Variants in PLD1 observed in about 807,000 individuals in gnomAD.
The protein encoded by PLD1 is choline phosphatase 1.
Under a neutral mutation model 137.1 loss-of-function variants are expected in PLD1, and 112 were observed. The observed-to-expected ratio is 0.82, with a 90% CI of 0.70 to 0.96. PLD1 has a LOEUF of 0.96. PLD1 is among the 40% of genes least tolerant of loss of function. PLD1 has a pLI of 0.00. For synonymous variants in PLD1, 431 were observed against 454.7 expected (o/e 0.95, Z 0.66); for missense variants, 1,321 against 1,342.0 (o/e 0.98, Z 0.24).
intron 16 of PLD1, among the ~76,000 whole-genome samples, chr3:171,684,183 T>A (rs1714315841): frequency 6.6e-6 from 1 of 152,218 alleles, no homozygotes; most frequent in African/African-American, 2.4e-5. Context: ...AGTTACTTAC[T>A]GGACTCAGCA....
chr3:171,643,568 A>C (rs1168573468), intron 22 of PLD1, among the ~76,000 whole-genome samples: 1 of 152,176 alleles, frequency 6.6e-6, no homozygotes, highest in African/African-American at 2.4e-5. Flanking sequence ...AAAAGGTTAT[A>C]GTTTTTGTTT....
chr3:171,767,473 G>C (rs747346771), intron 1 of PLD1, among the ~76,000 whole-genome samples: 9 of 152,196 alleles, frequency 5.9e-5, no homozygotes, highest in Non-Finnish European at 1.3e-4. Flanking sequence ...TATCTACATG[G>C]TTGTTTCTCA....
chr3:171,728,135 C>T (rs1397625318), intron 6 of PLD1, among the ~76,000 whole-genome samples: 1 of 152,090 alleles, frequency 6.6e-6, no homozygotes, highest in African/African-American at 2.4e-5. Flanking sequence ...CATGGCAAAA[C>T]CCCATCTCTA....
At chr3:171,719,970 T>A (rs1392023136) in intron 8 of PLD1, among the ~76,000 whole-genome samples, 2 of 152,146 alleles carry the variant, frequency 1.3e-5, no homozygotes, top group African/African-American at 4.8e-5. Flanking sequence ...AGTGTCATCT[T>A]TAAAAGTAAG....
At chr3:171,753,855 T>C (rs1007608501) in intron 1 of PLD1, among the ~76,000 whole-genome samples, 2 of 152,304 alleles carry the variant, frequency 1.3e-5, no homozygotes, top group South Asian at 4.1e-4. Context: ...TGATTCATAG[T>C]TGAGGTTTTT....
chr3:171,677,664 C>A lies in PLD1; in HGVS notation c.1898G>T (p.Gly633Val), dbSNP rs1330501327. 1 of 1,614,084 alleles carries A rather than the reference C, an allele frequency of 6.2e-7. No homozygotes were observed. The highest frequency in any genetic ancestry group is 1.1e-5 in the South Asian group (1 of 91,086). ...DTGSIRSLQT[G>V]VGELHGETRF... is the part of the protein sequence containing the mutation. Reference sequence around the variant, plus strand: ...GGTTTCCCCATGCAGCTCTCCCACACCTGTCTGTAAACTACGGATGGACCC... The same window carrying A: ...GGTTTCCCCATGCAGCTCTCCCACAACTGTCTGTAAACTACGGATGGACCC... Residue 633 changes from glycine to valine, a missense_variant, in exon 17 of 27, where the codon GGT becomes GTT. By Grantham distance (109) the Gly-to-Val change is moderately radical. Coordinates refer to ENST00000351298, the MANE Select transcript of PLD1 (RefSeq NM_002662.5).
At chr3:171,734,792 C>T in intron 5 of PLD1, 73 bp downstream of exon 5, 1 of 866,224 alleles carries the variant, frequency 1.2e-6, no homozygotes, top group Admixed American at 1.9e-5. Flanking sequence ...CCTACTTCAC[C>T]CCTCAGTAGA....
chr3:171,724,241 T>C (rs918978265), intron 8 of PLD1, among the ~76,000 whole-genome samples: 1 of 152,242 alleles, frequency 6.6e-6, no homozygotes, highest in Non-Finnish European at 1.5e-5. Context: ...CCATTTTACA[T>C]TTCCATTAAC....
chr3:171,781,243 TAA>T (rs71178238), intron 1 of PLD1, among the ~76,000 whole-genome samples: 4,908 of 148,470 alleles, frequency 0.033, 165 homozygotes, highest in African/African-American at 0.088. Flanking sequence ...CAAATGATGG[TAA>T]AAAAAAAAAA....
At chr3:171,657,805 A>T (rs1440830524) in intron 21 of PLD1, among the ~76,000 whole-genome samples, 1 of 152,212 alleles carries the variant, frequency 6.6e-6, no homozygotes. Flanking sequence ...AAAAAAATAG[A>T]TAAGTTAGCT....
At chr3:171,640,430 A>G (rs1049976291) in intron 23 of PLD1, among the ~76,000 whole-genome samples, 9 of 152,036 alleles carry the variant, frequency 5.9e-5, no homozygotes, top group African/African-American at 2.2e-4. Context: ...TTCTTTGGTT[A>G]TTTAGAAGTA....
Position 171,645,014 on chromosome 3 carries a change from C to T in PLD1, c.2439G>A (p.Gln813=), listed in dbSNP as rs1578176996. 1 of 1,608,194 alleles carries T rather than the reference C, an allele frequency of 6.2e-7. No individual in the cohort carries two copies. Among genetic ancestry groups the T allele is most frequent in the Middle Eastern group, 1.7e-4 (1 of 6,054 alleles). The part of the protein sequence containing the change: ...QRILKAHREN[Q]KYRVYVVIPL... ...GTATCACGACATATACCCGGTATTTCTGGTTTTCCCTGCAAAGGTCAGATG... is the reference window on the plus strand; with the variant it reads ...GTATCACGACATATACCCGGTATTTTTGGTTTTCCCTGCAAAGGTCAGATG... The change falls in exon 22 of 27, where the codon CAG becomes CAA. Residue 813 remains glutamine (Q), a synonymous_variant. Transcript: ENST00000351298.
chr3:171,723,950 T>A (rs959498444), intron 8 of PLD1, among the ~76,000 whole-genome samples: 1 of 152,192 alleles, frequency 6.6e-6, no homozygotes, highest in African/African-American at 2.4e-5. Flanking sequence ...TGCAGAAGCT[T>A]TTTAACTTGA....
intron 23 of PLD1, among the ~76,000 whole-genome samples, chr3:171,642,457 C>CAAAAAAAA (rs1230947984): frequency 2.4e-4 from 8 of 33,018 alleles, no homozygotes; most frequent in South Asian, 1.6e-3. Flanking sequence ...AACCCAGTCT[C>CAAAAAAAA]AAAAAAAAAA....
At chr3:171,694,103 C>T (rs374578333) in intron 12 of PLD1, among the ~76,000 whole-genome samples, 9 of 152,150 alleles carry the variant, frequency 5.9e-5, no homozygotes, top group Admixed American at 3.9e-4. Context: ...CTTCAAAATA[C>T]TAACACTCTA....
chr3:171,773,143 T>C (rs1463321503), intron 1 of PLD1, among the ~76,000 whole-genome samples: 2 of 152,238 alleles, frequency 1.3e-5, no homozygotes. Flanking sequence ...CACATATAAA[T>C]TAATTCTTCT....
chr3:171,641,876 C>G (rs759922084), intron 23 of PLD1, among the ~76,000 whole-genome samples: 3 of 152,268 alleles, frequency 2.0e-5, no homozygotes, highest in Non-Finnish European at 4.4e-5. Context: ...AGGGTTTCCA[C>G]CAACCTCTTC....
At chr3:171,700,334 A>ACT (rs55951070) in intron 11 of PLD1, among the ~76,000 whole-genome samples, 23 of 111,500 alleles carry the variant, frequency 2.1e-4, no homozygotes, top group South Asian at 8.6e-4. Flanking sequence ...ACACACACAC[A>ACT]CTCTCTCTCT....
chr3:171,720,700 G>A (rs1270495251), intron 8 of PLD1, among the ~76,000 whole-genome samples: 1 of 152,062 alleles, frequency 6.6e-6, no homozygotes, highest in Non-Finnish European at 1.5e-5. Flanking sequence ...TTATTAATAT[G>A]GAACCAGGGC....
Sources: allele counts gnomAD v4.1 joint callset (sites outside exome capture counted in the v4.1 genomes callset), GRCh38; gene constraint gnomAD v4.1.1; transcripts MANE v1.5; gene names NCBI Gene and HGNC (gene_info 2026-07-23, HGNC 2026-07-21).